The following GPATCH2 variants were observed in gnomAD, a reference collection of about 807,000 sequenced individuals.
GPATCH2 encodes G-patch domain containing 2.
In GPATCH2, 51 loss-of-function variants were observed where a neutral mutation model predicts 58.0. That is an observed-to-expected ratio of 0.88 (90% CI 0.70 to 1.11). The LOEUF (loss-of-function observed/expected upper bound fraction) is 1.11. Ranked by LOEUF, GPATCH2 falls within the 50% of genes most tolerant of loss-of-function variation. The pLI is 0.00. For missense variants in GPATCH2, 625 were observed against 652.2 expected, an observed-to-expected ratio of 0.96 and a Z score of 0.45; for synonymous variants, 222 against 218.5, an observed-to-expected ratio of 1.02 and a Z score of -0.14.
At chr1:217,523,745 G>T (rs1196397789) in intron 5 of GPATCH2, among the ~76,000 whole-genome samples, 5 of 149,098 alleles carry the variant, frequency 3.4e-5, no homozygotes, top group African/African-American at 1.3e-4. Flanking sequence ...TCCCAGTAGG[G>T]GCGGCCGGGC....
chr1:217,544,723 C>G (rs1664944491), intron 5 of GPATCH2, among the ~76,000 whole-genome samples: 1 of 152,214 alleles, frequency 6.6e-6, no homozygotes, highest in Admixed American at 6.5e-5. Flanking sequence ...TTAGAACGTT[C>G]TCAAGTCCAT....
chr1:217,595,613 C>T (rs1406652376), intron 5 of GPATCH2, among the ~76,000 whole-genome samples: 1 of 151,970 alleles, frequency 6.6e-6, no homozygotes, highest in Non-Finnish European at 1.5e-5. Flanking sequence ...AATTCTCCTG[C>T]CTCAGCCTCC....
intron 5 of GPATCH2, among the ~76,000 whole-genome samples, chr1:217,552,572 T>C (rs1004111319): frequency 2.6e-5 from 4 of 152,154 alleles, no homozygotes; most frequent in African/African-American, 9.7e-5. Context: ...ATAAATTATG[T>C]TGGAACGAAT....
At chr1:217,466,732 G>GA (rs970466524) in intron 8 of GPATCH2, among the ~76,000 whole-genome samples, 80 of 151,018 alleles carry the variant, frequency 5.3e-4, no homozygotes, top group African/African-American at 1.9e-3. Flanking sequence ...GTAATTATTA[G>GA]AAAAAAAAGC....
intron 5 of GPATCH2, among the ~76,000 whole-genome samples, chr1:217,599,657 A>C (rs968896920): frequency 2.0e-5 from 3 of 152,178 alleles, no homozygotes; most frequent in African/African-American, 7.2e-5. Flanking sequence ...CAGCCCCTTG[A>C]ACAATGAAGA....
chr1:217,571,803 G>A (rs540315459), intron 5 of GPATCH2, among the ~76,000 whole-genome samples: 5 of 151,406 alleles, frequency 3.3e-5, no homozygotes, highest in African/African-American at 1.2e-4. Flanking sequence ...TGAGGCACGA[G>A]AATCACTTGA....
intron 5 of GPATCH2, among the ~76,000 whole-genome samples, chr1:217,582,560 C>A (rs1181744060): frequency 1.3e-5 from 2 of 152,002 alleles, no homozygotes; most frequent in Non-Finnish European, 2.9e-5. Context: ...AAAAGCAACA[C>A]CACAATTTTA....
intron 5 of GPATCH2, among the ~76,000 whole-genome samples, chr1:217,529,739 C>T (rs768463180): frequency 3.9e-5 from 6 of 152,178 alleles, no homozygotes; most frequent in Admixed American, 2.6e-4. Flanking sequence ...TTTCCCCACA[C>T]CCGGCACTAA....
intron 8 of GPATCH2, among the ~76,000 whole-genome samples, chr1:217,457,771 G>C (rs1268795777): frequency 6.6e-6 from 1 of 152,042 alleles, no homozygotes; most frequent in Non-Finnish European, 1.5e-5. Context: ...ATTTCTGCTT[G>C]CTTTAAATGT....
chr1:217,527,520 T>A (rs1663974061), intron 5 of GPATCH2, among the ~76,000 whole-genome samples: 2 of 147,218 alleles, frequency 1.4e-5, no homozygotes, highest in Admixed American at 6.8e-5. Flanking sequence ...ACCAAAAGAA[T>A]CAAAGGTTTC....
At chr1:217,568,494 G>A (rs1267406263) in intron 5 of GPATCH2, among the ~76,000 whole-genome samples, 2 of 152,246 alleles carry the variant, frequency 1.3e-5, no homozygotes. Context: ...AAGCAAAAAA[G>A]TGAAATTGAG....
At chr1:217,512,238 C>T (rs1343960646) in intron 6 of GPATCH2, among the ~76,000 whole-genome samples, 1 of 152,046 alleles carries the variant, frequency 6.6e-6, no homozygotes, top group Non-Finnish European at 1.5e-5. Flanking sequence ...CAGGGGATCA[C>T]GTAAGCCTGG....
At chr1:217,596,859 A>G (rs1033748885) in intron 5 of GPATCH2, among the ~76,000 whole-genome samples, 1 of 152,138 alleles carries the variant, frequency 6.6e-6, no homozygotes, top group Admixed American at 6.5e-5. Context: ...TGTATTTATT[A>G]TTTTAAAATA....
intron 5 of GPATCH2, among the ~76,000 whole-genome samples, chr1:217,583,029 T>C (rs1170696235): frequency 6.6e-6 from 1 of 152,168 alleles, no homozygotes; most frequent in Non-Finnish European, 1.5e-5. Context: ...AGTAACAATA[T>C]GGATAAATCA....
intron 5 of GPATCH2, among the ~76,000 whole-genome samples, chr1:217,560,344 T>C (rs1381331443): frequency 6.6e-6 from 1 of 152,206 alleles, no homozygotes; most frequent in Admixed American, 6.5e-5. Context: ...GTTTTGGAAG[T>C]CACTGTTTGA....
intron 5 of GPATCH2, among the ~76,000 whole-genome samples, chr1:217,566,791 T>C (rs1666257510): frequency 6.6e-6 from 1 of 152,208 alleles, no homozygotes; most frequent in Non-Finnish European, 1.5e-5. Context: ...GATTACATTT[T>C]TGAATTTAAT....
In GPATCH2 at chr1:217,483,643, A is replaced by G. The variant is rs192960141; in HGVS notation, c.1277+8037T>C. Reference sequence around the variant, plus strand: ...TCAAAACTGGTTTCCAGAATGTAATATAGTACATTCATTTTGTTATTTTAG... The same window carrying G: ...TCAAAACTGGTTTCCAGAATGTAATGTAGTACATTCATTTTGTTATTTTAG... On this transcript the variant is annotated intron_variant, in intron 8 of 9. Transcript: ENST00000366935. 2.0e-5 allele frequency among the ~76,000 whole-genome samples: 3 copies of G among 152,350 alleles called. No homozygotes were observed. The East Asian group carries it at 5.8e-4, about 29-fold the overall frequency.
intron 1 of GPATCH2, among the ~76,000 whole-genome samples, chr1:217,621,416 G>T (rs951181990): frequency 6.6e-6 from 1 of 152,088 alleles, no homozygotes; most frequent in African/African-American, 2.4e-5. Flanking sequence ...GAGATCTAGA[G>T]GCACCTAGGG....
intron 5 of GPATCH2, among the ~76,000 whole-genome samples, chr1:217,575,930 T>A (rs907770159): frequency 6.6e-6 from 1 of 152,170 alleles, no homozygotes; most frequent in Admixed American, 6.5e-5. Context: ...AGCTTCAAGT[T>A]ATTATCATCT....
Sources: gnomAD v4.1 joint callset for allele counts (sites outside exome capture counted in the v4.1 genomes callset) on GRCh38, gnomAD v4.1.1 for gene constraint, MANE v1.5 for transcripts, NCBI Gene and HGNC (gene_info 2026-07-23, HGNC 2026-07-21) for gene names.